The following PPEF1 variants were observed in gnomAD, a reference collection of about 807,000 sequenced individuals.
PPEF1 encodes protein phosphatase with EF-hand domain 1.
PPEF1 carries 12 observed loss-of-function variants against 53.3 expected under a neutral mutation model. The observed-to-expected ratio is 0.23, with a 90% confidence interval of 0.14 to 0.36. PPEF1 has a LOEUF of 0.36. PPEF1 is among the 10% of genes least tolerant of loss of function. The pLI, the probability that PPEF1 is intolerant of heterozygous loss-of-function variation, is 1.00. For synonymous variants in PPEF1, 165 were observed against 176.7 expected (o/e 0.93, Z 0.52); for missense variants, 334 against 490.4 (o/e 0.68, Z 3.01).
intron 1 of PPEF1, among the ~76,000 whole-genome samples, chrX:18,715,808 T>C (rs953490530): frequency 1.7e-4 from 19 of 112,000 alleles, no homozygotes; most frequent in African/African-American, 6.1e-4. Context: ...CCTTCTGATA[T>C]GCTACCCTGA....
intron 10 of PPEF1, among the ~76,000 whole-genome samples, chrX:18,789,836 A>G (rs2046292980): frequency 8.9e-6 from 1 of 112,374 alleles, no homozygotes; most frequent in Non-Finnish European, 1.9e-5. Flanking sequence ...TTATTCATTC[A>G]TAAGCTGATG....
chrX:18,804,549 C>T (rs986431030), intron 11 of PPEF1, among the ~76,000 whole-genome samples: 2 of 111,298 alleles, frequency 1.8e-5, no homozygotes, highest in Non-Finnish European at 3.8e-5. Flanking sequence ...TCAGGTGATC[C>T]GCCTGCCTCG....
At chrX:18,820,360 G>T in intron 13 of PPEF1, among the ~76,000 whole-genome samples, 1 of 104,491 alleles carries the variant, frequency 9.6e-6, no homozygotes, top group Non-Finnish European at 2.0e-5. Context: ...GGAACTAAAA[G>T]AACAAACAGA....
chrX:18,687,685 CTT>C (rs370867326), intron 3 of PPEF1, among the ~76,000 whole-genome samples: 45 of 89,112 alleles, frequency 5.0e-4, no homozygotes, highest in African/African-American at 1.5e-3. Flanking sequence ...AAATATTCTT[CTT>C]TTTTTTTTTT....
At chrX:18,694,765 A>G (rs944509994) in intron 4 of PPEF1, among the ~76,000 whole-genome samples, 6 of 111,647 alleles carry the variant, frequency 5.4e-5, no homozygotes, top group African/African-American at 1.6e-4. Context: ...AGCCATATTC[A>G]TAGACATATA....
intron 4 of PPEF1, among the ~76,000 whole-genome samples, chrX:18,756,382 G>A (rs1392803088): frequency 9.0e-6 from 1 of 110,959 alleles, no homozygotes; most frequent in African/African-American, 3.3e-5. Flanking sequence ...GTTTCACCAT[G>A]TTAGCCAGGC....
chrX:18,693,020 T>C (rs1405239356), intron 4 of PPEF1, among the ~76,000 whole-genome samples: 2 of 112,019 alleles, frequency 1.8e-5, no homozygotes, highest in African/African-American at 6.5e-5. Context: ...ATACTCATGC[T>C]AACATTTAAA....
intron 10 of PPEF1, among the ~76,000 whole-genome samples, chrX:18,792,951 A>G (rs1255289111): frequency 9.0e-6 from 1 of 110,690 alleles, no homozygotes; most frequent in African/African-American, 3.3e-5. Context: ...TTACAGCATA[A>G]GCCCAATGGA....
intron 5 of PPEF1, among the ~76,000 whole-genome samples, chrX:18,698,697 A>G (rs902001788): frequency 8.0e-5 from 9 of 111,841 alleles, no homozygotes; most frequent in Non-Finnish European, 5.6e-5. Context: ...AGGCAGGAGA[A>G]TCGCTTAAGC....
In PPEF1 at chrX:18,675,963, G is replaced by T. The variant is rs865992483; in HGVS notation, c.-754G>T. On this transcript the variant is annotated 5_prime_UTR_variant, in exon 1 of 21. Transcript: ENST00000689646. ...CACCTGCAATCATTTGGGCGGGGGG[G>T]GGGGGGCATCTTTAAGCGCCCAGGT... 3.3e-5 allele frequency: 3 copies of T among 90,178 alleles called. No individual in the cohort carries two copies. In the East Asian group the frequency reaches 1.4e-3, roughly 41 times the overall value. The allele number at this position is 90,178 out of a possible 1,213,427, so 7.4% of individuals were successfully genotyped here. A position where few individuals can be genotyped will look rare whatever the true frequency, so the allele number is the denominator to read the frequency against.
At chrX:18,802,853 CAA>C (rs67428456) in intron 10 of PPEF1, among the ~76,000 whole-genome samples, 3 of 107,088 alleles carry the variant, frequency 2.8e-5, no homozygotes, top group Non-Finnish European at 5.8e-5. Context: ...GCCAAAAAAA[CAA>C]AAAAAAAATG....
chrX:18,708,707 A>C (rs750350862), intron 1 of PPEF1, among the ~76,000 whole-genome samples: 2 of 111,803 alleles, frequency 1.8e-5, no homozygotes, highest in African/African-American at 6.5e-5. Context: ...TTTGGGAATC[A>C]AATGTTATTC....
intron 2 of PPEF1, among the ~76,000 whole-genome samples, chrX:18,685,803 C>A (rs1199911075): frequency 9.0e-6 from 1 of 111,149 alleles, no homozygotes; most frequent in East Asian, 2.8e-4. Context: ...TTTCTAGCGT[C>A]TGCTTCTGGG....
chrX:18,766,904 T>C (rs2045786262), intron 6 of PPEF1, among the ~76,000 whole-genome samples: 1 of 109,898 alleles, frequency 9.1e-6, no homozygotes, highest in South Asian at 3.9e-4. Flanking sequence ...AAAAAAAAAT[T>C]AGCTTCGCAT....
intron 3 of PPEF1, among the ~76,000 whole-genome samples, chrX:18,744,595 C>T (rs1408488838): frequency 9.0e-6 from 1 of 111,570 alleles, no homozygotes; most frequent in African/African-American, 3.3e-5. Context: ...GTGTTGTTTT[C>T]ACTTTTCTTT....
intron 3 of PPEF1, among the ~76,000 whole-genome samples, chrX:18,746,127 A>T (rs2045324712): frequency 8.9e-6 from 1 of 111,908 alleles, no homozygotes; most frequent in Non-Finnish European, 1.9e-5. Flanking sequence ...ATAATTCTTA[A>T]TTAGTTTAGA....
At position 18,749,945 on chromosome X, in the gene PPEF1, A is replaced by C. The variant is rs138311928; in HGVS notation, c.389A>C (p.Glu130Ala). 42 of 1,198,271 alleles carry C rather than the reference A, an allele frequency of 3.5e-5. No homozygotes were observed. Among genetic ancestry groups the C allele is most frequent in the Non-Finnish European group, 4.6e-5 (41 of 885,729 alleles). The change falls in exon 4 of 16, where the codon GAA (glutamate) becomes GCA (alanine). Residue 130 changes from glutamate (E) to alanine (A), a missense_variant. Coordinates refer to ENST00000470157, the MANE Select transcript of PPEF1 (RefSeq NM_001377996.1). ...GATTTACTTCTTGAGGCCTTCAAGGAACAACAGGTAAGTGGAAGCAGATGC... is the reference window on the plus strand; with the variant it reads ...GATTTACTTCTTGAGGCCTTCAAGGCACAACAGGTAAGTGGAAGCAGATGC... ...DIDLLLEAFK[E>A]QQILHAHYVL... is the part of the protein sequence containing the mutation.
intron 3 of PPEF1, among the ~76,000 whole-genome samples, chrX:18,737,692 T>C (rs1477900055): frequency 8.1e-5 from 9 of 110,739 alleles, no homozygotes; most frequent in Admixed American, 2.9e-4. Flanking sequence ...AACTTTCTGT[T>C]TTGTTGATCT....
chrX:18,802,003 G>GA (rs2046557715), intron 10 of PPEF1, among the ~76,000 whole-genome samples: 1 of 107,969 alleles, frequency 9.3e-6, no homozygotes, highest in African/African-American at 3.4e-5. Flanking sequence ...AAAAAGAAAA[G>GA]AAAAGAAACA....
Sources: allele counts gnomAD v4.1 joint callset (sites outside exome capture counted in the v4.1 genomes callset), GRCh38; gene constraint gnomAD v4.1.1; transcripts MANE v1.5; gene names NCBI Gene and HGNC (gene_info 2026-07-23, HGNC 2026-07-21).